PTPRD: variants seen among roughly 807,000 people sequenced by gnomAD.
PTPRD encodes the protein receptor-type tyrosine-protein phosphatase delta.
Under a neutral mutation model 214.5 loss-of-function variants are expected in PTPRD, and 34 were observed. That is an observed-to-expected ratio of 0.16 (90% CI 0.12 to 0.21). PTPRD has a LOEUF of 0.21. PTPRD is among the 10% of genes least tolerant of loss of function. The pLI is 1.00. For missense variants in PTPRD, 2,545 were observed against 2,398.7 expected (o/e 1.06, Z -1.27); for synonymous variants, 1,128 against 845.7 (o/e 1.33, Z -5.79).
At chr9:8,985,171 T>A (rs1223051042) in intron 11 of PTPRD, among the ~76,000 whole-genome samples, 1 of 152,102 alleles carries the variant, frequency 6.6e-6, no homozygotes, top group Non-Finnish European at 1.5e-5. Flanking sequence ...AAATACATAT[T>A]GTTTAGAATT....
At chr9:8,357,499 A>T (rs2077269984) in intron 39 of PTPRD, among the ~76,000 whole-genome samples, 1 of 152,198 alleles carries the variant, frequency 6.6e-6, no homozygotes, top group Non-Finnish European at 1.5e-5. Flanking sequence ...ATCAAAGAAC[A>T]TATAAGCAGC....
intron 8 of PTPRD, among the ~76,000 whole-genome samples, chr9:9,426,121 C>A (rs111341984): frequency 8.4e-4 from 128 of 152,194 alleles, no homozygotes; most frequent in African/African-American, 3.0e-3. Context: ...TCGCCTCACC[C>A]GGGAAGCACA....
chr9:8,971,966 C>A (rs2099241102), intron 11 of PTPRD, among the ~76,000 whole-genome samples: 1 of 151,706 alleles, frequency 6.6e-6, no homozygotes, highest in Non-Finnish European at 1.5e-5. Context: ...TATCTCATTG[C>A]ATACCTCTTT....
At chr9:9,325,249 G>A (rs572655503) in intron 9 of PTPRD, among the ~76,000 whole-genome samples, 2 of 152,280 alleles carry the variant, frequency 1.3e-5, no homozygotes, top group East Asian at 3.9e-4. Context: ...GTAGCTTGAT[G>A]GGGATGGCAT....
At chr9:8,399,289 A>G (rs1367183522) in intron 36 of PTPRD, among the ~76,000 whole-genome samples, 1 of 152,160 alleles carries the variant, frequency 6.6e-6, no homozygotes, top group African/African-American at 2.4e-5. Context: ...GGTTCTTCCT[A>G]AACTGGAGAA....
intron 9 of PTPRD, among the ~76,000 whole-genome samples, chr9:9,374,949 A>G (rs1266812999): frequency 6.6e-6 from 1 of 152,212 alleles, no homozygotes; most frequent in Non-Finnish European, 1.5e-5. Context: ...CTTGATATAA[A>G]AGACTTTTTA....
chr9:10,047,862 C>T (rs1317744773), intron 3 of PTPRD, among the ~76,000 whole-genome samples: 1 of 152,082 alleles, frequency 6.6e-6, no homozygotes, highest in African/African-American at 2.4e-5. Flanking sequence ...GTTAAATGGG[C>T]TAATAGAGGT....
chr9:8,933,339 G>GTTTT (rs1567089304), intron 11 of PTPRD, among the ~76,000 whole-genome samples: 56 of 68,792 alleles, frequency 8.1e-4, no homozygotes, highest in African/African-American at 1.7e-3. Context: ...ACAACCTTGA[G>GTTTT]GTTTTTTTTT....
intron 2 of PTPRD, among the ~76,000 whole-genome samples, chr9:10,354,977 T>A (rs922657649): frequency 6.6e-6 from 1 of 152,212 alleles, no homozygotes; most frequent in Non-Finnish European, 1.5e-5. Context: ...ATTTGCTAAA[T>A]AGATGTATAC....
At position 8,486,150 on chromosome 9, in the gene PTPRD, T is replaced by C. The variant is rs2097001236; in HGVS notation, c.2667A>G (p.Ala889=). The part of the protein sequence containing the change: ...HFTATDIHKG[A]SYVFRLSARN... ...TGGCTGAGAGCCTGAAGACGTATGA[T>C]GCTCCCTTGTGGATGTCTGTAGCTG... is the stretch of plus-strand genomic sequence containing the variant. Residue 889 remains alanine (A), a synonymous_variant, in exon 28 of 46, where the codon GCA becomes GCG. Coordinates refer to ENST00000381196, the MANE Select transcript of PTPRD (RefSeq NM_002839.4). 6.2e-7 allele frequency: 1 copy of C among 1,614,070 alleles called. No individual in the cohort carries two copies. The highest frequency in any genetic ancestry group is 1.1e-5 in the South Asian group (1 of 91,088).
intron 11 of PTPRD, among the ~76,000 whole-genome samples, chr9:8,851,013 G>C (rs1334002225): frequency 1.3e-5 from 2 of 152,118 alleles, no homozygotes; most frequent in Non-Finnish European, 2.9e-5. Context: ...AATTGTACTG[G>C]TGAATCTTAG....
chr9:9,610,848 A>C (rs903208335), intron 7 of PTPRD, among the ~76,000 whole-genome samples: 2 of 152,164 alleles, frequency 1.3e-5, no homozygotes, highest in African/African-American at 4.8e-5. Flanking sequence ...TTATTAGTAA[A>C]AGTTTTGAAC....
chr9:8,563,882 C>A (rs1229517324), intron 14 of PTPRD, among the ~76,000 whole-genome samples: 2 of 152,342 alleles, frequency 1.3e-5, no homozygotes, highest in East Asian at 3.9e-4. Flanking sequence ...ACAGGCCAGT[C>A]TTGAACTCCT....
intron 11 of PTPRD, among the ~76,000 whole-genome samples, chr9:8,785,415 TCA>T (rs3045980): frequency 0.087 from 13,250 of 152,236 alleles, 595 homozygotes; most frequent in East Asian, 0.14. Flanking sequence ...TTCAGTAAAT[TCA>T]CATAGTCATG....
chr9:9,634,406 C>CT (rs1460250942), intron 7 of PTPRD, among the ~76,000 whole-genome samples: 1 of 152,088 alleles, frequency 6.6e-6, no homozygotes, highest in Admixed American at 6.6e-5. Flanking sequence ...ATCAGTGCAA[C>CT]TAGAAGACTG....
chr9:10,287,784 T>C (rs1042334815), intron 3 of PTPRD, among the ~76,000 whole-genome samples: 2 of 152,042 alleles, frequency 1.3e-5, no homozygotes, highest in African/African-American at 4.8e-5. Context: ...CTAGCAACTA[T>C]CCCAATTTAG....
At chr9:8,920,328 G>T (rs1010531686) in intron 11 of PTPRD, among the ~76,000 whole-genome samples, 2 of 151,672 alleles carry the variant, frequency 1.3e-5, no homozygotes, top group African/African-American at 4.8e-5. Flanking sequence ...GTGACAGAGT[G>T]AGACTCCAAA....
chr9:8,711,224 TA>T (rs1342043771), intron 12 of PTPRD, among the ~76,000 whole-genome samples: 1 of 152,010 alleles, frequency 6.6e-6, no homozygotes, highest in Non-Finnish European at 1.5e-5. Context: ...TCTTGGTAAT[TA>T]AGGAAGCTCA....
chr9:9,339,950 C>T (rs1188995422), intron 9 of PTPRD, among the ~76,000 whole-genome samples: 1 of 152,030 alleles, frequency 6.6e-6, no homozygotes. Context: ...ATTTTGGAAG[C>T]CTTTTATCAT....
Sources: allele counts gnomAD v4.1 joint callset (sites outside exome capture counted in the v4.1 genomes callset), GRCh38; gene constraint gnomAD v4.1.1; transcripts MANE v1.5; gene names NCBI Gene and HGNC (gene_info 2026-07-23, HGNC 2026-07-21).